The following RAD50 variants were observed in gnomAD, a reference collection of about 807,000 sequenced individuals.
RAD50 encodes the protein RAD50 double strand break repair protein.
Under a neutral mutation model 168.8 loss-of-function variants are expected in RAD50, and 132 were observed. The ratio of observed to expected loss-of-function variants is 0.78; its 90% CI spans 0.68 to 0.90. RAD50 has a LOEUF of 0.90. Among genes scored for constraint, RAD50 ranks in the 40% least tolerant of loss-of-function variants. RAD50 has a pLI of 0.00. For synonymous variants in RAD50, 525 were observed against 497.4 expected, an observed-to-expected ratio of 1.06 and a Z score of -0.74; for missense variants, 1,347 against 1,534.4, an observed-to-expected ratio of 0.88 and a Z score of 2.04.
At chr5:132,614,030 G>A (rs1313316536) in intron 19 of RAD50, among the ~76,000 whole-genome samples, 2 of 152,128 alleles carry the variant, frequency 1.3e-5, no homozygotes, top group African/African-American at 2.4e-5. Context: ...GAGCCTAGAT[G>A]TATCTGACTT....
At chr5:132,623,127 A>T (rs1019335162) in intron 21 of RAD50, among the ~76,000 whole-genome samples, 3 of 152,080 alleles carry the variant, frequency 2.0e-5, no homozygotes, top group African/African-American at 7.2e-5. Context: ...CTTGGGTCCT[A>T]TCCTTCATCT....
rs1580974353 is a variant in RAD50, at chr5:132,557,340, A to G, written c.16A>G (p.Lys6Glu). The G allele has an allele frequency of 1.2e-6, 2 of 1,614,202 alleles. No individual in the cohort carries two copies. The highest frequency in any genetic ancestry group is 2.2e-5 in the East Asian group (1 of 44,888). MSRIE[K>E]MSILGVRSFG... Reference sequence around the variant, plus strand: ...GTTTGCAAACATGTCCCGGATCGAAAAGATGAGCATTCTGGGCGTGCGGAG... The same window carrying G: ...GTTTGCAAACATGTCCCGGATCGAAGAGATGAGCATTCTGGGCGTGCGGAG... The change falls in exon 1 of 25, where the codon AAG becomes GAG. Residue 6 changes from lysine to glutamate, a missense_variant. Around this residue, in one of 3 missense-constraint regions of RAD50, gnomAD observed 703 missense variants for 767.7 expected, o/e 0.92. Coordinates refer to ENST00000378823, the MANE Select transcript of RAD50 (RefSeq NM_005732.4).
At chr5:132,613,442 C>T (rs1340657187) in intron 19 of RAD50, among the ~76,000 whole-genome samples, 1 of 151,904 alleles carries the variant, frequency 6.6e-6, no homozygotes, top group South Asian at 2.1e-4. Flanking sequence ...TTTTTCCCTT[C>T]CTTTCTCTGA....
rs751961328 is a variant in RAD50 at position 132,643,134 on chromosome 5, G to A, written c.*770G>A. On this transcript the variant is annotated 3_prime_UTR_variant, in exon 25 of 25. Coordinates refer to ENST00000378823, the MANE Select transcript of RAD50 (RefSeq NM_005732.4). ...GAAGAAGCCTGTAACACTCCTCTGC[G>A]TCTATCCTGTGTAGCATACTGGCTT... 4.6e-5 allele frequency: 24 copies of A among 518,862 alleles called. No individual in the cohort carries two copies. Among genetic ancestry groups the A allele is most frequent in the African/African-American group, 1.5e-4 (8 of 52,590 alleles). 32.1% of individuals were successfully genotyped at this position (518,862 alleles called of 1,614,324 possible). A position where few individuals can be genotyped will look rare whatever the true frequency, so the allele number is the denominator to read the frequency against.
At position 132,642,843 on chromosome 5, in the gene RAD50, C is replaced by G. The variant is rs1751760982; in HGVS notation, c.*479C>G. ...CAGAAATGGTGAGATGTATGTTTGG[C>G]TCTGCTTTTAACTTTATAAATCCAG... On this transcript the variant is annotated 3_prime_UTR_variant, in exon 25 of 25. Transcript: ENST00000378823. 1 of 361,118 alleles carries G rather than the reference C, an allele frequency of 2.8e-6. No homozygotes were observed. Among genetic ancestry groups the G allele is most frequent in the South Asian group, 2.9e-5 (1 of 34,830 alleles). 22.4% of individuals were successfully genotyped at this position (361,118 alleles called of 1,614,324 possible). A position where few individuals can be genotyped will look rare whatever the true frequency, so the allele number is the denominator to read the frequency against.
At chr5:132,608,527 A>AAAGTGCTTTT (rs1232634272) in intron 16 of RAD50, 88 bp from the exon 17 acceptor site, 3 of 1,168,692 alleles carry the variant, frequency 2.6e-6, no homozygotes, top group Non-Finnish European at 2.4e-6. Flanking sequence ...TGGCACATAG[A>AAAGTGCTTTT]AAGTGCTTTT....
Position 132,640,702 on chromosome 5 carries a change from C to T in RAD50, c.3649C>T (p.Leu1217=), listed in dbSNP as rs2149865593. 6.2e-7 allele frequency: 1 copy of T among 1,614,238 alleles called. No homozygotes were observed. Among genetic ancestry groups the T allele is most frequent in the Non-Finnish European group, 8.5e-7 (1 of 1,180,040 alleles). Residue 1217 remains leucine, a synonymous_variant, in exon 24 of 25, where the codon CTG becomes TTG. Coordinates refer to ENST00000378823, the MANE Select transcript of RAD50 (RefSeq NM_005732.4). ...AGCCTCACTCATCATTCGCCTGGCC[C>T]TGGCTGAAACGTTCTGCCTCAACTG... is the stretch of plus-strand genomic sequence containing the variant. The part of the protein sequence containing the change: ...VLASLIIRLA[L]AETFCLNCGI...
intron 21 of RAD50, among the ~76,000 whole-genome samples, chr5:132,634,510 TTC>T (rs1424937387): frequency 1.3e-5 from 2 of 152,266 alleles, no homozygotes; most frequent in South Asian, 2.1e-4. Context: ...TGACAGGCTT[TTC>T]TCTCTTTTTT....
chr5:132,626,851 C>A (rs1180282955), intron 21 of RAD50, among the ~76,000 whole-genome samples: 1 of 152,088 alleles, frequency 6.6e-6, no homozygotes, highest in Non-Finnish European at 1.5e-5. Flanking sequence ...TGACATGCTG[C>A]TACCATAGTG....
chr5:132,615,158 A>C (rs929313520), intron 19 of RAD50, among the ~76,000 whole-genome samples: 1 of 152,220 alleles, frequency 6.6e-6, no homozygotes, highest in Non-Finnish European at 1.5e-5. Flanking sequence ...TAAATTCCAA[A>C]GAATCAACTT....
At position 132,559,325 on chromosome 5, in the gene RAD50, C is replaced by T. The variant is rs763762300; in HGVS notation, c.171C>T (p.Phe57=). The T allele has an allele frequency of 1.9e-6, 3 of 1,608,058 alleles. No individual in the cohort carries two copies. Among genetic ancestry groups the T allele is most frequent in the Admixed American group, 1.7e-5 (1 of 59,884 alleles). Reference sequence around the variant, plus strand: ...TAAAATATATTTGTACTGGAGATTTCCCTCCTGGAACCAAAGGAAATACAT... The same window carrying T: ...TAAAATATATTTGTACTGGAGATTTTCCTCCTGGAACCAAAGGAAATACAT... ...ECLKYICTGD[F]PPGTKGNTFV... Residue 57 remains phenylalanine (F), a synonymous_variant, in exon 2 of 25, where the codon TTC becomes TTT. Transcript: ENST00000378823.
chr5:132,572,641 A>ATGG (rs766167030), intron 2 of RAD50, among the ~76,000 whole-genome samples: 13 of 152,160 alleles, frequency 8.5e-5, no homozygotes, highest in Non-Finnish European at 1.6e-4. Flanking sequence ...TTATAAGATG[A>ATGG]TGGTCATTTT....
At chr5:132,601,576 G>A (rs1447030378) in intron 13 of RAD50, among the ~76,000 whole-genome samples, 1 of 152,014 alleles carries the variant, frequency 6.6e-6, no homozygotes, top group Non-Finnish European at 1.5e-5. Context: ...ACATTGGCAT[G>A]GAATTACTCA....
chr5:132,619,885 T>TATATATATATAAAGATATATATATATAG (rs1554099997), intron 21 of RAD50, among the ~76,000 whole-genome samples: 4 of 121,228 alleles, frequency 3.3e-5, no homozygotes, highest in East Asian at 5.4e-4. Context: ...TATATATATA[T>TATATATATATAAAGATATATATATATAG]AGAGAGAGAG....
intron 13 of RAD50, among the ~76,000 whole-genome samples, chr5:132,602,666 A>G (rs531616760): frequency 2.6e-5 from 4 of 152,190 alleles, no homozygotes; most frequent in Non-Finnish European, 4.4e-5. Context: ...GATGTTAACA[A>G]TTTATGTACT....
At chr5:132,610,644 G>A (rs1227656154) in intron 19 of RAD50, among the ~76,000 whole-genome samples, 1 of 152,068 alleles carries the variant, frequency 6.6e-6, no homozygotes, top group Non-Finnish European at 1.5e-5. Context: ...GTACCACCAA[G>A]AATTTCAAAT....
intron 21 of RAD50, among the ~76,000 whole-genome samples, chr5:132,621,081 T>C (rs1352404005): frequency 6.6e-6 from 1 of 152,176 alleles, no homozygotes; most frequent in Non-Finnish European, 1.5e-5. Context: ...CTACTTTAGT[T>C]ATTTGAGTGT....
At position 132,591,903 on chromosome 5, in the gene RAD50, A is replaced by G. The variant is rs765162437; in HGVS notation, c.1662A>G (p.Lys554=). ...DKADKDEQIR[K]IKSRHSDELT... Reference sequence around the variant, plus strand: ...CTGACAAAGATGAACAAATCAGAAAAATAAAATCTAGGCACAGTGATGAAT... The same window carrying G: ...CTGACAAAGATGAACAAATCAGAAAGATAAAATCTAGGCACAGTGATGAAT... Residue 554 remains lysine (K), a synonymous_variant, in exon 11 of 25, where the codon AAA becomes AAG. Transcript: ENST00000378823. The G allele has an allele frequency of 9.3e-6, 15 of 1,608,250 alleles. No individual in the cohort carries two copies. The highest frequency in any genetic ancestry group is 2.7e-5 in the African/African-American group (2 of 74,736).
intron 20 of RAD50, among the ~76,000 whole-genome samples, chr5:132,616,865 C>G (rs1751186288): frequency 6.6e-6 from 1 of 152,094 alleles, no homozygotes; most frequent in South Asian, 2.1e-4. Flanking sequence ...ATACAGAAAT[C>G]TGAATGAAAA....
Sources: allele counts gnomAD v4.1 joint callset (sites outside exome capture counted in the v4.1 genomes callset), GRCh38; gene constraint gnomAD v4.1.1; regional missense constraint gnomAD v4.1.1; transcripts MANE v1.5; gene names NCBI Gene and HGNC (gene_info 2026-07-23, HGNC 2026-07-21).